The following NAV1 variants were observed in gnomAD, a reference collection of about 807,000 sequenced individuals.
The protein encoded by NAV1 is neuron navigator 1.
A neutral mutation model predicts 175.2 loss-of-function variants in NAV1; 18 were observed. That is an observed-to-expected ratio of 0.10 (90% confidence interval 0.07 to 0.15). The LOEUF (loss-of-function observed/expected upper bound fraction) is 0.15. Among genes scored for constraint, NAV1 ranks in the 10% least tolerant of loss-of-function variants. The probability of loss-of-function intolerance (pLI) is 1.00; values close to 1 mark genes in which losing one functional copy is unlikely to be tolerated. For missense variants in NAV1, 1,731 were observed against 2,436.6 expected (o/e 0.71, Z 6.10); for synonymous variants, 897 against 978.7 (o/e 0.92, Z 1.56).
intron 1 of NAV1, among the ~76,000 whole-genome samples, chr1:201,583,297 A>T (rs908506702): frequency 6.6e-6 from 1 of 152,272 alleles, no homozygotes; most frequent in Non-Finnish European, 1.5e-5. Context: ...GCAAGGCCCC[A>T]TCCAGGGCTC....
rs995889706 is a variant in NAV1 at position 201,688,259 on chromosome 1, G to A, written c.758-24558G>A. On this transcript the variant is annotated intron_variant, in intron 1 of 29. Coordinates refer to ENST00000367296, the Ensembl canonical transcript of NAV1. ...TGGTGGGGTGAGGGTGGTTAGGGAG[G>A]GTGGCACTGGAGCAGAGTAGACCAT... 3.3e-5 allele frequency: 5 copies of A among 152,284 alleles called. No individual in the cohort carries two copies. In the East Asian group the frequency reaches 9.6e-4, roughly 29 times the overall value. The allele number at this position is 152,284 out of a possible 1,614,324, so 9.4% of individuals were successfully genotyped here.
chr1:201,642,059 C>G (rs1395504330), intron 2 of NAV1, among the ~76,000 whole-genome samples: 2 of 146,450 alleles, frequency 1.4e-5, no homozygotes, highest in Non-Finnish European at 3.0e-5. Context: ...CTTCCCTTTT[C>G]TTTCTTTTTT....
At chr1:201,597,345 TTC>T (rs1001378640) in intron 2 of NAV1, among the ~76,000 whole-genome samples, 68 of 152,278 alleles carry the variant, frequency 4.5e-4, no homozygotes, top group African/African-American at 1.5e-3. Context: ...TTTCTCAGGA[TTC>T]ACACACATTG....
intron 2 of NAV1, among the ~76,000 whole-genome samples, chr1:201,595,008 G>C (rs1667313579): frequency 6.6e-6 from 1 of 152,240 alleles, no homozygotes; most frequent in Non-Finnish European, 1.5e-5. Context: ...AGGCCGTTGA[G>C]GGGAGGGATG....
chr1:201,677,794 AT>A (rs960102452), intron 1 of NAV1, among the ~76,000 whole-genome samples: 36 of 151,908 alleles, frequency 2.4e-4, no homozygotes, highest in African/African-American at 7.7e-4. Flanking sequence ...CGCCTGGCTA[AT>A]TTTTTTTATT....
chr1:201,588,242 G>A (rs564252605), intron 1 of NAV1, among the ~76,000 whole-genome samples: 16 of 152,178 alleles, frequency 1.1e-4, no homozygotes, highest in Non-Finnish European at 1.5e-4. Context: ...AAGGAATGAG[G>A]TGCTGACACA....
chr1:201,732,847 G>C (rs1672923377), intron 3 of NAV1, among the ~76,000 whole-genome samples: 1 of 152,168 alleles, frequency 6.6e-6, no homozygotes, highest in Non-Finnish European at 1.5e-5. Context: ...AAGGCGGGTG[G>C]ATCACTTGAG....
At position 201,694,578 on chromosome 1, in the gene NAV1, C is replaced by T. The variant is rs1285336403; in HGVS notation, c.758-18239C>T. ...GAGGGAGGAGGGTAAGTCTGGGAAG[C>T]TGGCCCCAGTGGGTGATCAGCAACA... On this transcript the variant is annotated intron_variant, in intron 1 of 29. Transcript: ENST00000367296. This position sits in a 1 kb window ranked among gnomAD's most constrained non-coding sequence, Gnocchi z 4.2. Among the ~76,000 whole-genome samples the T allele has an allele frequency of 6.6e-6, 1 of 152,174 alleles. No homozygotes were observed. The highest frequency in any genetic ancestry group is 6.5e-5 in the Admixed American group (1 of 15,280).
At chr1:201,712,558 T>C (rs1671951936) in intron 1 of NAV1, among the ~76,000 whole-genome samples, 1 of 152,154 alleles carries the variant, frequency 6.6e-6, no homozygotes, top group South Asian at 2.1e-4. Context: ...TTGGGGGCTC[T>C]GAAAGGAGTG....
intron 1 of NAV1, among the ~76,000 whole-genome samples, chr1:201,574,953 A>C (rs1317583819): frequency 6.6e-6 from 1 of 152,210 alleles, no homozygotes; most frequent in Admixed American, 6.5e-5. Context: ...CAGAGGCCCC[A>C]CACTCTCTAA....
intron 3 of NAV1, among the ~76,000 whole-genome samples, chr1:201,748,214 T>G (rs1673892145): frequency 1.3e-5 from 2 of 152,238 alleles, no homozygotes. Flanking sequence ...CTCTCACTCT[T>G]ATGAATTAAG....
intron 3 of NAV1, among the ~76,000 whole-genome samples, chr1:201,762,017 G>A (rs566290019): frequency 6.6e-6 from 1 of 152,204 alleles, no homozygotes; most frequent in Admixed American, 6.5e-5. Flanking sequence ...AAAATTATCT[G>A]GGCATGGTGG....
At chr1:201,732,833 G>A (rs1056430735) in intron 3 of NAV1, among the ~76,000 whole-genome samples, 3 of 152,220 alleles carry the variant, frequency 2.0e-5, no homozygotes, top group Non-Finnish European at 4.4e-5. Flanking sequence ...CACTTTGGGA[G>A]GCCAAGGCGG....
In NAV1 at chr1:201,718,186, G is replaced by T. The variant is rs1410408334; in HGVS notation, c.861-204G>T. On this transcript the variant is annotated intron_variant, in intron 2 of 29. Transcript: ENST00000367296. This position sits in a 1 kb window ranked among gnomAD's most constrained non-coding sequence, Gnocchi z 4.8. ...ATTTCTTCCCTAGCCACTTAATTAA[G>T]ATCATTTCCTTTGTCAAACAGATAA... is the stretch of plus-strand genomic sequence containing the variant. Among the ~76,000 whole-genome samples the T allele has an allele frequency of 6.6e-6, 1 of 152,138 alleles. No homozygotes were observed. Among genetic ancestry groups the T allele is most frequent in the African/African-American group, 2.4e-5 (1 of 41,428 alleles).
rs563231033 is a variant in NAV1 at position 201,706,256 on chromosome 1, T to G, written c.758-6561T>G. On this transcript the variant is annotated intron_variant, in intron 1 of 29. Transcript: ENST00000367296. Reference sequence around the variant, plus strand: ...CTTTTTGGGAGTTATTAAGAAGGGGTGTGTGTGTGTGTGTGTGTGTGTGTC... The same window carrying G: ...CTTTTTGGGAGTTATTAAGAAGGGGGGTGTGTGTGTGTGTGTGTGTGTGTC... Among the ~76,000 whole-genome samples the G allele has an allele frequency of 1.9e-3, 274 of 141,022 alleles. 1 individual carries two copies. The highest frequency in any genetic ancestry group is 7.8e-3 in the African/African-American group (264 of 34,052). The allele number at this position is 141,022 out of a possible 152,430, so 92.5% of individuals were successfully genotyped here. A position where few individuals can be genotyped will look rare whatever the true frequency, so the allele number is the denominator to read the frequency against.
intron 1 of NAV1, among the ~76,000 whole-genome samples, chr1:201,584,815 A>G (rs1666978402): frequency 6.6e-6 from 1 of 152,180 alleles, no homozygotes; most frequent in Admixed American, 6.5e-5. Context: ...TCATCCAGAG[A>G]AAGGGGTTTG....
At chr1:201,758,040 C>T (rs917447534) in intron 3 of NAV1, among the ~76,000 whole-genome samples, 2 of 152,196 alleles carry the variant, frequency 1.3e-5, no homozygotes, top group Non-Finnish European at 2.9e-5. Context: ...GGGACTCATC[C>T]GGCATTTTTT....
chr1:201,675,577 G>A (rs899065269), intron 1 of NAV1, among the ~76,000 whole-genome samples: 10 of 152,186 alleles, frequency 6.6e-5, no homozygotes, highest in Non-Finnish European at 1.5e-5. Context: ...ACTTGGTAAG[G>A]TGTTTGTATT....
At chr1:201,585,823 G>A (rs939610888) in intron 1 of NAV1, among the ~76,000 whole-genome samples, 1 of 152,204 alleles carries the variant, frequency 6.6e-6, no homozygotes, top group African/African-American at 2.4e-5. Flanking sequence ...AAGCATTGGC[G>A]ATGATATGGA....
Sources: gnomAD v4.1 joint callset for allele counts (sites outside exome capture counted in the v4.1 genomes callset) on GRCh38, gnomAD v4.1.1 for gene constraint, Gnocchi (gnomAD v3.1) non-coding constraint, MANE v1.5 for transcripts, NCBI Gene and HGNC (gene_info 2026-07-23, HGNC 2026-07-21) for gene names.